Variants in EIF3E observed in about 807,000 individuals in gnomAD.
The protein encoded by EIF3E is eIF-3 p48.
A neutral mutation model predicts 59.3 loss-of-function variants in EIF3E; 25 were observed. That is an observed-to-expected ratio of 0.42 (90% CI 0.31 to 0.59). The LOEUF is 0.59. Ranked by LOEUF, EIF3E falls within the 20% of genes least tolerant of loss-of-function variation. The pLI is 0.15. For missense variants in EIF3E, 317 were observed against 534.3 expected, an observed-to-expected ratio of 0.59 and a Z score of 4.01; for synonymous variants, 176 against 170.2, an observed-to-expected ratio of 1.03 and a Z score of -0.26.
chr8:108,248,317 C>A (rs1032088541), intron 1 of EIF3E, among the ~76,000 whole-genome samples: 6 of 152,170 alleles, frequency 3.9e-5, no homozygotes, highest in Admixed American at 3.9e-4. Context: ...GCGAAACCAG[C>A]GAATCGCCAA....
At chr8:108,227,841 TATTAA>T (rs1815543025) in intron 7 of EIF3E, 1 of 152,662 alleles carries the variant, frequency 6.6e-6, no homozygotes, top group Non-Finnish European at 1.5e-5. Flanking sequence ...ATCACCAAAA[TATTAA>T]ACAAAAGCTA....
At chr8:108,240,794 AT>A (rs1183195968) in intron 2 of EIF3E, among the ~76,000 whole-genome samples, 1 of 152,182 alleles carries the variant, frequency 6.6e-6, no homozygotes, top group East Asian at 1.9e-4. Flanking sequence ...AGCCTGGCCA[AT>A]ATGGTGAAAC....
At chr8:108,224,918 T>C (rs1439455250) in intron 7 of EIF3E, among the ~76,000 whole-genome samples, 1 of 151,574 alleles carries the variant, frequency 6.6e-6, no homozygotes, top group African/African-American at 2.4e-5. Context: ...CACAAAAAGT[T>C]TCAACTATGT....
At chr8:108,231,970 T>G (rs1465850724) in intron 5 of EIF3E, 2 of 152,026 alleles carry the variant, frequency 1.3e-5, no homozygotes, top group African/African-American at 4.8e-5. Flanking sequence ...AGCTCTTTCA[T>G]AGCTTATGTT....
At chr8:108,219,831 C>T (rs957488015) in intron 7 of EIF3E, among the ~76,000 whole-genome samples, 3 of 151,312 alleles carry the variant, frequency 2.0e-5, no homozygotes, top group African/African-American at 7.3e-5. Flanking sequence ...AAGACCCTGC[C>T]TCAAAAAAAG....
chr8:108,205,855 ATTG>A (rs1463358808), intron 10 of EIF3E, among the ~76,000 whole-genome samples: 2 of 152,162 alleles, frequency 1.3e-5, no homozygotes, highest in African/African-American at 2.4e-5. Context: ...TCTATTTATT[ATTG>A]TTGTTGTTAA....
intron 7 of EIF3E, among the ~76,000 whole-genome samples, chr8:108,226,821 A>G (rs1345368764): frequency 2.6e-5 from 4 of 152,160 alleles, no homozygotes. Context: ...ACCCCCCATG[A>G]TTCCTCCCTC....
chr8:108,227,838 A>G (rs1815542981), intron 7 of EIF3E: 1 of 152,654 alleles, frequency 6.6e-6, no homozygotes, highest in Non-Finnish European at 1.5e-5. Flanking sequence ...CTCATCACCA[A>G]AATATTAAAC....
intron 9 of EIF3E, among the ~76,000 whole-genome samples, chr8:108,215,265 CA>C (rs538445855): frequency 6.7e-6 from 1 of 149,406 alleles, no homozygotes; most frequent in Non-Finnish European, 1.5e-5. Context: ...TATATGACTA[CA>C]AAAAAAAACA....
chr8:108,220,992 C>T (rs1264670759), intron 7 of EIF3E, among the ~76,000 whole-genome samples: 1 of 151,964 alleles, frequency 6.6e-6, no homozygotes, highest in Non-Finnish European at 1.5e-5. Flanking sequence ...CAAGATTCCA[C>T]CACTGCACTC....
chr8:108,236,832 G>A (rs987635185), intron 3 of EIF3E, among the ~76,000 whole-genome samples: 9 of 152,040 alleles, frequency 5.9e-5, no homozygotes, highest in Admixed American at 2.6e-4. Context: ...GACCAGCCTG[G>A]CAAACATGGT....
Position 108,211,817 on chromosome 8 carries a change from T to C in EIF3E, c.1061+2790A>G, listed in dbSNP as rs150734928. ...ATCATAGCATAGCCTACTCAATAAA[T>C]CTGATTCAATGGTTTAGGGTGGCTA... On this transcript the variant is annotated intron_variant, in intron 10 of 12. Coordinates refer to ENST00000220849, the MANE Select transcript of EIF3E (RefSeq NM_001568.3). Among the ~76,000 whole-genome samples, 270 of 152,266 alleles carry C rather than the reference T, an allele frequency of 1.8e-3. 1 individual carries two copies. Among genetic ancestry groups the C allele is most frequent in the Middle Eastern group, 0.014 (4 of 294 alleles).
intron 9 of EIF3E, 109 bp from the exon 10 acceptor site, chr8:108,214,825 A>G (rs1446630525): frequency 1.1e-6 from 1 of 899,876 alleles, no homozygotes; most frequent in Admixed American, 2.7e-5. Flanking sequence ...CATGAGTTTT[A>G]TACCACAGCA....
chr8:108,201,972 G>T, intron 12 of EIF3E, 49 bp from the exon 13 acceptor site: 1 of 1,484,998 alleles, frequency 6.7e-7, no homozygotes, highest in Non-Finnish European at 9.0e-7. Context: ...AATACTTTCG[G>T]AAAAAAACTA....
chr8:108,241,801 T>A lies in EIF3E; in HGVS notation c.203A>T (p.His68Leu). The change falls in exon 2 of 13, where the codon CAT (histidine) becomes CTT (leucine). Residue 68 changes from histidine to leucine, a missense_variant and splice_region_variant. This residue lies in a region of EIF3E where 242 missense variants were observed against 398.0 expected (regional missense o/e 0.61). Transcript: ENST00000220849. Reference protein sequence around the residue: ...YKNLYSDDIPHALREKRTTVV... With the variant: ...YKNLYSDDIPLALREKRTTVV... ...TCAGTTCTAATGACAAAACTTACCA[T>A]GAGGAATATCATCAGAATAAAGGTT... is the stretch of plus-strand genomic sequence containing the variant. The A allele has an allele frequency of 6.4e-7, 1 of 1,552,228 alleles. No individual in the cohort carries two copies. Among genetic ancestry groups the A allele is most frequent in the Non-Finnish European group, 8.7e-7 (1 of 1,151,592 alleles).
At chr8:108,238,938 G>A (rs1258276892) in intron 3 of EIF3E, among the ~76,000 whole-genome samples, 6 of 152,042 alleles carry the variant, frequency 3.9e-5, no homozygotes, top group African/African-American at 1.2e-4. Context: ...ACTTCCACCC[G>A]TGACATGTAC....
Position 108,248,375 on chromosome 8 carries a change from G to A in EIF3E, c.90+238C>T, listed in dbSNP as rs1003263644. Among the ~76,000 whole-genome samples, 4 of 152,092 alleles carry A rather than the reference G, an allele frequency of 2.6e-5. No individual in the cohort carries two copies. In the South Asian group the frequency reaches 8.3e-4, roughly 32 times the overall value. On this transcript the variant is annotated intron_variant, in intron 1 of 12. Coordinates refer to ENST00000220849, the MANE Select transcript of EIF3E (RefSeq NM_001568.3). ...AAATCCCTCCCGCACTGACACCTCA[G>A]TAAGTGAAAGAGACTTCTTTTCTCT...
chr8:108,204,772 G>A (rs1313653700), intron 10 of EIF3E, among the ~76,000 whole-genome samples: 1 of 124,386 alleles, frequency 8.0e-6, no homozygotes, highest in Non-Finnish European at 1.6e-5. Flanking sequence ...GAGAGAGAGA[G>A]AGAGAGAGAC....
At chr8:108,247,353 C>T (rs189650307) in intron 1 of EIF3E, among the ~76,000 whole-genome samples, 2 of 152,262 alleles carry the variant, frequency 1.3e-5, no homozygotes, top group East Asian at 3.9e-4. Context: ...ATCTTTTGTC[C>T]TCACTTTTCC....
Sources: allele counts gnomAD v4.1 joint callset (sites outside exome capture counted in the v4.1 genomes callset), GRCh38; gene constraint gnomAD v4.1.1; regional missense constraint gnomAD v4.1.1; transcripts MANE v1.5; gene names NCBI Gene and HGNC (gene_info 2026-07-23, HGNC 2026-07-21).